Variants in VWA8 observed in about 807,000 individuals in gnomAD.
VWA8 encodes von Willebrand factor A domain containing 8, also known as von Willebrand factor A domain-containing protein 8.
A neutral mutation model predicts 241.5 loss-of-function variants in VWA8; 221 were observed. That is an observed-to-expected ratio of 0.91 (90% CI 0.82 to 1.02). VWA8 has a LOEUF of 1.02. Ranked by LOEUF, VWA8 falls within the 50% of genes least tolerant of loss-of-function variation. The pLI, the probability that VWA8 is intolerant of heterozygous loss-of-function variation, is 0.00. For synonymous variants in VWA8, 852 were observed against 827.1 expected, an observed-to-expected ratio of 1.03 and a Z score of -0.52; for missense variants, 2,322 against 2,328.7, an observed-to-expected ratio of 1.00 and a Z score of 0.06.
chr13:41,770,024 A>T (rs1471475945), intron 20 of VWA8, among the ~76,000 whole-genome samples: 1 of 152,246 alleles, frequency 6.6e-6, no homozygotes, highest in Non-Finnish European at 1.5e-5. Context: ...AAAGCCTCAT[A>T]GAAGAAAAAC....
intron 2 of VWA8, among the ~76,000 whole-genome samples, chr13:41,940,070 GT>G (rs1319969336): frequency 6.6e-6 from 1 of 152,096 alleles, no homozygotes; most frequent in African/African-American, 2.4e-5. Flanking sequence ...TAGAGACATC[GT>G]AGCAGACTGT....
At chr13:41,765,593 A>G (rs2045773790) in intron 20 of VWA8, among the ~76,000 whole-genome samples, 1 of 152,220 alleles carries the variant, frequency 6.6e-6, no homozygotes, top group African/African-American at 2.4e-5. Context: ...AATTGAATAA[A>G]TATATAAATA....
intron 2 of VWA8, among the ~76,000 whole-genome samples, chr13:41,932,742 G>GA (rs1877182263): frequency 6.6e-6 from 1 of 151,560 alleles, no homozygotes; most frequent in Non-Finnish European, 1.5e-5. Flanking sequence ...AAAAGACACG[G>GA]AAAAAGCACT....
intron 37 of VWA8, among the ~76,000 whole-genome samples, chr13:41,658,858 A>G (rs2044929215): frequency 6.6e-6 from 1 of 152,202 alleles, no homozygotes; most frequent in Admixed American, 6.5e-5. Flanking sequence ...CTGGAAAGTG[A>G]GCAGTAATAT....
chr13:41,715,110 A>G (rs776850588), intron 26 of VWA8, among the ~76,000 whole-genome samples: 5 of 151,940 alleles, frequency 3.3e-5, no homozygotes, highest in Non-Finnish European at 7.4e-5. Context: ...ACAAGATGCA[A>G]TAATATTATA....
At chr13:41,583,078 A>G (rs1293750624) in intron 42 of VWA8, among the ~76,000 whole-genome samples, 1 of 152,202 alleles carries the variant, frequency 6.6e-6, no homozygotes, top group Non-Finnish European at 1.5e-5. Context: ...ATAGATACCA[A>G]GGGACAACTG....
intron 42 of VWA8, among the ~76,000 whole-genome samples, chr13:41,579,003 A>C (rs746121276): frequency 9.2e-5 from 14 of 152,228 alleles, no homozygotes; most frequent in Non-Finnish European, 1.6e-4. Flanking sequence ...TTGGTCAAAG[A>C]TGTGGTTTAT....
intron 36 of VWA8, among the ~76,000 whole-genome samples, chr13:41,674,846 T>C (rs2137802398): frequency 6.6e-6 from 1 of 152,332 alleles, no homozygotes; most frequent in East Asian, 1.9e-4. Flanking sequence ...TTAAATTGTT[T>C]TGATATTTTG....
chr13:41,833,333 G>A, intron 13 of VWA8, 38 bp downstream of exon 13: 3 of 1,567,760 alleles, frequency 1.9e-6, no homozygotes, highest in Non-Finnish European at 2.6e-6. Context: ...TCAGAGTGGG[G>A]TGTGTGTCTG....
intron 21 of VWA8, among the ~76,000 whole-genome samples, chr13:41,747,921 AC>A (rs1266589032): frequency 6.6e-6 from 1 of 152,148 alleles, no homozygotes; most frequent in Non-Finnish European, 1.5e-5. Context: ...TGTATGTTGA[AC>A]CAGCCTTGCA....
At chr13:41,870,011 A>T (rs1209523029) in intron 9 of VWA8, among the ~76,000 whole-genome samples, 1 of 152,102 alleles carries the variant, frequency 6.6e-6, no homozygotes, top group African/African-American at 2.4e-5. Context: ...GGAGGAAGAA[A>T]ATCATGTTTA....
chr13:41,901,995 A>G (rs1875474331), intron 4 of VWA8, among the ~76,000 whole-genome samples: 1 of 150,252 alleles, frequency 6.7e-6, no homozygotes, highest in African/African-American at 2.4e-5. Context: ...AACAACGAGC[A>G]AACACTTGAG....
chr13:41,633,196 A>G (rs2044736902), intron 37 of VWA8, among the ~76,000 whole-genome samples: 1 of 152,252 alleles, frequency 6.6e-6, no homozygotes, highest in African/African-American at 2.4e-5. Flanking sequence ...GAAATATTTC[A>G]GGGATAAATA....
At chr13:41,571,885 T>G (rs1221650061) in intron 43 of VWA8, among the ~76,000 whole-genome samples, 1 of 136,352 alleles carries the variant, frequency 7.3e-6, no homozygotes, top group South Asian at 2.5e-4. Context: ...CCGGCCGCCA[T>G]CCTGTCTAGG....
chr13:41,837,035 T>TGATAGATA (rs67765155), intron 12 of VWA8, among the ~76,000 whole-genome samples: 16,123 of 148,606 alleles, frequency 0.11, 961 homozygotes, highest in East Asian at 0.16. Flanking sequence ...TGCAGATAGA[T>TGATAGATA]GATAGATAGA....
At chr13:41,736,136 G>A (rs1566434788) in intron 21 of VWA8, among the ~76,000 whole-genome samples, 1 of 152,084 alleles carries the variant, frequency 6.6e-6, no homozygotes, top group South Asian at 2.1e-4. Flanking sequence ...AAAAAGAGAT[G>A]TCTTTCCAGT....
At chr13:41,590,107 GTGGGTTC>G (rs2044444643) in intron 41 of VWA8, among the ~76,000 whole-genome samples, 1 of 152,148 alleles carries the variant, frequency 6.6e-6, no homozygotes, top group African/African-American at 2.4e-5. Flanking sequence ...CTGGCTCCCA[GTGGGTTC>G]TGCTCATGGG....
chr13:41,928,370 A>AT (rs1876946843), intron 2 of VWA8, among the ~76,000 whole-genome samples: 1 of 152,214 alleles, frequency 6.6e-6, no homozygotes, highest in South Asian at 2.1e-4. Context: ...GCCTTAACAA[A>AT]TTTAGAAAAC....
intron 2 of VWA8, among the ~76,000 whole-genome samples, chr13:41,921,885 A>G (rs1192334668): frequency 6.6e-6 from 1 of 152,202 alleles, no homozygotes; most frequent in East Asian, 1.9e-4. Flanking sequence ...ACTCAATGTC[A>G]TCTCCATCAA....
Sources: allele counts gnomAD v4.1 joint callset (sites outside exome capture counted in the v4.1 genomes callset), GRCh38; gene constraint gnomAD v4.1.1; transcripts MANE v1.5; gene names NCBI Gene and HGNC (gene_info 2026-07-23, HGNC 2026-07-21).